The following MLKL variants were observed in gnomAD, a reference collection of about 807,000 sequenced individuals.
MLKL encodes the protein mixed lineage kinase domain-like protein.
In MLKL, 55 loss-of-function variants were observed where a neutral mutation model predicts 56.5. That is an observed-to-expected ratio of 0.97 (90% CI 0.78 to 1.22). MLKL has a LOEUF of 1.22. Ranked by LOEUF, MLKL falls within the 50% of genes most tolerant of loss-of-function variation. The probability of loss-of-function intolerance (pLI) is 0.00; values close to 1 mark genes in which losing one functional copy is unlikely to be tolerated. For synonymous variants in MLKL, 251 were observed against 208.3 expected (o/e 1.20, Z -1.76); for missense variants, 694 against 573.9 (o/e 1.21, Z -2.14).
intron 4 of MLKL, among the ~76,000 whole-genome samples, chr16:74,686,075 T>A (rs1960309049): frequency 6.6e-6 from 1 of 151,790 alleles, no homozygotes; most frequent in African/African-American, 2.4e-5. Flanking sequence ...TTCTCATGCC[T>A]CAGCCACCTG....
At chr16:74,694,996 C>T (rs1211740064) in intron 2 of MLKL, among the ~76,000 whole-genome samples, 1 of 152,140 alleles carries the variant, frequency 6.6e-6, no homozygotes, top group African/African-American at 2.4e-5. Context: ...CCTCAGCCTC[C>T]CGAGTAGCTG....
intron 6 of MLKL, among the ~76,000 whole-genome samples, chr16:74,679,579 G>A (rs1475973983): frequency 6.6e-6 from 1 of 152,154 alleles, no homozygotes; most frequent in Non-Finnish European, 1.5e-5. Flanking sequence ...AGACCAAGGT[G>A]GATGGATCAC....
At chr16:74,699,529 G>A (rs1961253672) in intron 1 of MLKL, among the ~76,000 whole-genome samples, 1 of 152,148 alleles carries the variant, frequency 6.6e-6, no homozygotes, top group Non-Finnish European at 1.5e-5. Context: ...CACTTAGACT[G>A]GGCAATTTGA....
rs541513157 is a variant in MLKL at position 74,697,931 on chromosome 16, T to C, written c.-2-2172A>G. Among the ~76,000 whole-genome samples the C allele has an allele frequency of 2.0e-5, 3 of 152,192 alleles. No individual in the cohort carries two copies. In the South Asian group the frequency reaches 6.2e-4, roughly 32 times the overall value. The stretch of plus-strand genomic sequence containing the variant: ...TATTTAAAATAAAGTTAGGGTAGGG[T>C]GTCATGACTCAAACCTGTAATCCCA... On this transcript the variant is annotated intron_variant, in intron 1 of 10. Coordinates refer to ENST00000308807, the MANE Select transcript of MLKL (RefSeq NM_152649.4).
chr16:74,681,895 T>C (rs115268737), intron 6 of MLKL, among the ~76,000 whole-genome samples: 2,613 of 152,256 alleles, frequency 0.017, 76 homozygotes, highest in African/African-American at 0.06. Context: ...CATATATATA[T>C]GTACAAGCAT....
chr16:74,693,430 T>C (rs1960795936), intron 2 of MLKL, among the ~76,000 whole-genome samples: 1 of 127,024 alleles, frequency 7.9e-6, no homozygotes, highest in Non-Finnish European at 1.5e-5. Context: ...ATCGTGTCAC[T>C]GCACTCCAGC....
intron 6 of MLKL, among the ~76,000 whole-genome samples, chr16:74,682,079 C>T (rs1475965258): frequency 6.8e-6 from 1 of 147,264 alleles, no homozygotes; most frequent in African/African-American, 2.5e-5. Flanking sequence ...AACCTTATCT[C>T]TACAAAAAAT....
intron 5 of MLKL, among the ~76,000 whole-genome samples, chr16:74,683,861 T>G (rs1262343824): frequency 6.6e-6 from 1 of 152,204 alleles, no homozygotes; most frequent in Admixed American, 6.5e-5. Context: ...TTCATGGGCC[T>G]GAGCTGCAAA....
rs768366316 is a variant in MLKL at position 74,682,791 on chromosome 16, T to A, written c.821-5A>T. 6.8e-6 allele frequency: 11 copies of A among 1,613,720 alleles called. No homozygotes were observed. The South Asian group carries it at 1.2e-4, about 18-fold the overall frequency. ...TGGAGAATTGAGGCGGAGTCACTGG[T>A]GGAAAGGAGCCAGACACTATGAGGA... On this transcript the variant is annotated splice_polypyrimidine_tract_variant and splice_region_variant and intron_variant, in intron 5 of 10. Coordinates refer to ENST00000308807, the MANE Select transcript of MLKL (RefSeq NM_152649.4).
chr16:74,675,193 G>C, intron 9 of MLKL, 93 bp from the exon 10 acceptor site: 1 of 1,563,726 alleles, frequency 6.4e-7, no homozygotes, highest in Non-Finnish European at 8.7e-7. Context: ...TAGGGACTCT[G>C]AGTATGGAAA....
At chr16:74,688,533 G>T (rs1020716970) in intron 4 of MLKL, among the ~76,000 whole-genome samples, 1 of 152,104 alleles carries the variant, frequency 6.6e-6, no homozygotes, top group Admixed American at 6.6e-5. Context: ...GGCCAACATG[G>T]TGAAACCCTG....
intron 4 of MLKL, among the ~76,000 whole-genome samples, chr16:74,685,859 C>A (rs922399008): frequency 2.0e-5 from 3 of 152,106 alleles, no homozygotes; most frequent in African/African-American, 7.2e-5. Context: ...ATTTTTATGA[C>A]CTACAGGGCT....
chr16:74,680,401 A>G (rs898069060), intron 6 of MLKL, among the ~76,000 whole-genome samples: 7 of 152,244 alleles, frequency 4.6e-5, no homozygotes, highest in Admixed American at 1.3e-4. Flanking sequence ...GCAAGATTAT[A>G]TAAAGGGAAA....
At chr16:74,680,998 G>C (rs1959931588) in intron 6 of MLKL, among the ~76,000 whole-genome samples, 1 of 152,016 alleles carries the variant, frequency 6.6e-6, no homozygotes, top group African/African-American at 2.4e-5. Flanking sequence ...GTAAGAGAAA[G>C]TGTCCTTTTT....
chr16:74,681,257 C>T (rs1296978659), intron 6 of MLKL, among the ~76,000 whole-genome samples: 1 of 151,950 alleles, frequency 6.6e-6, no homozygotes, highest in Non-Finnish European at 1.5e-5. Context: ...AACTCCTGAC[C>T]TCAAGTGATC....
chr16:74,689,268 C>T (rs1001849040), intron 4 of MLKL, among the ~76,000 whole-genome samples: 7 of 152,030 alleles, frequency 4.6e-5, no homozygotes, highest in African/African-American at 1.4e-4. Flanking sequence ...GCTCATGCCA[C>T]CATGCCCAGC....
At chr16:74,678,600 T>C (rs1959751117) in intron 7 of MLKL, among the ~76,000 whole-genome samples, 1 of 152,158 alleles carries the variant, frequency 6.6e-6, no homozygotes, top group African/African-American at 2.4e-5. Context: ...CTGGCCAACA[T>C]GGTGAAACCC....
chr16:74,672,550 T>C lies in MLKL; in HGVS notation c.1382-12A>G. ...TTTCTTTAAGATTTCTGTGGATGAA[T>C]GAACAGAAAATTAGACCAGGGTAGG... is the stretch of plus-strand genomic sequence containing the variant. On this transcript the variant is annotated splice_polypyrimidine_tract_variant and intron_variant, in intron 10 of 10. Transcript: ENST00000308807. 1.2e-6 allele frequency: 2 copies of C among 1,613,632 alleles called. No individual in the cohort carries two copies. The highest frequency in any genetic ancestry group is 2.2e-5 in the East Asian group (1 of 44,878).
chr16:74,689,470 G>A (rs1960537968), intron 4 of MLKL, among the ~76,000 whole-genome samples: 1 of 152,082 alleles, frequency 6.6e-6, no homozygotes, highest in Admixed American at 6.5e-5. Context: ...AAATCTTACG[G>A]TATGTAAAAT....
Sources: allele counts gnomAD v4.1 joint callset (sites outside exome capture counted in the v4.1 genomes callset), GRCh38; gene constraint gnomAD v4.1.1; transcripts MANE v1.5; gene names NCBI Gene and HGNC (gene_info 2026-07-23, HGNC 2026-07-21).